ABL2: variants seen among roughly 807,000 people sequenced by gnomAD.
ABL2 encodes tyrosine-protein kinase ABL2.
Under a neutral mutation model 107.7 loss-of-function variants are expected in ABL2, and 49 were observed. The observed-to-expected ratio is 0.45, with a 90% confidence interval of 0.36 to 0.58. The LOEUF is 0.58. ABL2 is among the 20% of genes least tolerant of loss of function. ABL2 has a pLI of 0.00. For missense variants in ABL2, 1,245 were observed against 1,457.0 expected (o/e 0.85, Z 2.37); for synonymous variants, 549 against 548.6 (o/e 1.00, Z -0.01).
At chr1:179,179,792 T>A (rs1016444249) in intron 1 of ABL2, among the ~76,000 whole-genome samples, 2 of 152,064 alleles carry the variant, frequency 1.3e-5, no homozygotes, top group Non-Finnish European at 2.9e-5. Flanking sequence ...ATTAATACTA[T>A]ATTCTTTCAT....
chr1:179,158,737 A>G (rs1571219878), intron 1 of ABL2, among the ~76,000 whole-genome samples: 3 of 152,222 alleles, frequency 2.0e-5, no homozygotes. Flanking sequence ...TCAATAAATT[A>G]TTTAATACTA....
intron 11 of ABL2, among the ~76,000 whole-genome samples, chr1:179,109,651 G>A (rs1428171376): frequency 2.6e-5 from 4 of 152,070 alleles, no homozygotes; most frequent in Admixed American, 6.6e-5. Context: ...ATAGGGGGCC[G>A]GGCACGGTGG....
intron 1 of ABL2, among the ~76,000 whole-genome samples, chr1:179,173,666 G>A (rs879759239): frequency 6.6e-6 from 1 of 151,986 alleles, no homozygotes; most frequent in Non-Finnish European, 1.5e-5. Context: ...GCTTTTAATA[G>A]GTTTTTAGAA....
At chr1:179,122,408 T>C (rs911097483) in intron 4 of ABL2, among the ~76,000 whole-genome samples, 4 of 151,896 alleles carry the variant, frequency 2.6e-5, no homozygotes, top group African/African-American at 9.7e-5. Flanking sequence ...ACTGGGCCAG[T>C]ATACCCAGCA....
In ABL2 at chr1:179,103,028, C is replaced by T; in HGVS notation, c.*4690G>A. 1 of 224,112 alleles carries T rather than the reference C, an allele frequency of 4.5e-6. No homozygotes were observed. The highest frequency in any genetic ancestry group is 6.5e-5 in the East Asian group (1 of 15,450). 13.9% of individuals were successfully genotyped at this position (224,112 alleles called of 1,614,324 possible). On this transcript the variant is annotated 3_prime_UTR_variant, in exon 12 of 12. Coordinates refer to ENST00000502732, the MANE Select transcript of ABL2 (RefSeq NM_007314.4). The stretch of plus-strand genomic sequence containing the variant: ...ACAGATAACAAGTCTGTTCCCACCA[C>T]ATTTAGGATAAATGGCCAAGCATAT...
chr1:179,133,466 G>GC, intron 1 of ABL2, 92 bp from the exon 2 acceptor site: 1 of 1,603,028 alleles, frequency 6.2e-7, no homozygotes, highest in Non-Finnish European at 8.5e-7. Context: ...GGCATTCAAA[G>GC]GCCTTTCATG....
intron 3 of ABL2, among the ~76,000 whole-genome samples, chr1:179,128,807 C>G (rs1234485742): frequency 6.6e-6 from 1 of 152,162 alleles, no homozygotes; most frequent in East Asian, 1.9e-4. Context: ...CCTCAGCCCC[C>G]CAAGTACCTG....
At chr1:179,229,200 G>T in intron 1 of ABL2, 41 bp downstream of exon 1, 2 of 219,654 alleles carry the variant, frequency 9.1e-6, no homozygotes, top group Non-Finnish European at 1.3e-5. Context: ...CCCACCCCCG[G>T]CCTCCCCCAC....
Position 179,120,247 on chromosome 1 carries a change from G to A in ABL2, c.988C>T (p.Leu330=). ...KEDTMEVEEF[L]KEAAVMKEIK... ...TCCTTCATTACTGCAGCTTCTTTCA[G>A]GAATTCTTCTACCTCCATGGTATCT... The change falls in exon 6 of 12, where the codon CTG becomes TTG. Residue 330 remains leucine, a synonymous_variant. Transcript: ENST00000502732. 6.2e-7 allele frequency: 1 copy of A among 1,606,648 alleles called. No individual in the cohort carries two copies. The highest frequency in any genetic ancestry group is 8.5e-7 in the Non-Finnish European group (1 of 1,176,298).
chr1:179,181,718 A>T (rs1452539410), intron 1 of ABL2, among the ~76,000 whole-genome samples: 1 of 151,926 alleles, frequency 6.6e-6, no homozygotes, highest in Non-Finnish European at 1.5e-5. Flanking sequence ...TAATCTTGTG[A>T]CCCCACCAGA....
intron 1 of ABL2, among the ~76,000 whole-genome samples, chr1:179,208,302 C>G (rs539162256): frequency 8.5e-5 from 13 of 152,108 alleles, no homozygotes; most frequent in African/African-American, 2.4e-4. Context: ...TTGCCCCCCC[C>G]ATTCCTTCCC....
intron 6 of ABL2, among the ~76,000 whole-genome samples, 153 bp downstream of exon 6, chr1:179,120,037 C>G (rs1265476557): frequency 6.6e-6 from 1 of 151,898 alleles, no homozygotes; most frequent in Non-Finnish European, 1.5e-5. Flanking sequence ...TTGAAAGGCC[C>G]AGGCGGAAGT....
chr1:179,211,062 T>TTG (rs1662244422), intron 1 of ABL2, among the ~76,000 whole-genome samples: 1 of 152,114 alleles, frequency 6.6e-6, no homozygotes, highest in Admixed American at 6.6e-5. Context: ...AGATAGTTAA[T>TTG]AATTTCAGGA....
rs1351390926 is a variant in ABL2 at position 179,102,024 on chromosome 1, TTTTTTTTG to T, written c.*5686_*5693del. The T allele has an allele frequency of 3.0e-5, 4 of 133,180 alleles. No individual in the cohort carries two copies. The highest frequency in any genetic ancestry group is 3.0e-5 in the Non-Finnish European group (2 of 66,146). 8.2% of individuals were successfully genotyped at this position (133,180 alleles called of 1,614,324 possible). On this transcript the variant is annotated 3_prime_UTR_variant, in exon 12 of 12. Coordinates refer to ENST00000502732, the MANE Select transcript of ABL2 (RefSeq NM_007314.4). ...TTTTTTTTTTTTTTTTTTTTTTTTTTTTTTTTTGAGACGGAGTCTCACTGTCACCCAGG... is the reference window on the plus strand; with the variant it reads ...TTTTTTTTTTTTTTTTTTTTTTTTTTAGACGGAGTCTCACTGTCACCCAGG...
At chr1:179,153,388 G>A (rs1002758664) in intron 1 of ABL2, among the ~76,000 whole-genome samples, 2 of 151,934 alleles carry the variant, frequency 1.3e-5, no homozygotes, top group African/African-American at 2.4e-5. Context: ...TTGGGAGGCC[G>A]GAAGTCTGAA....
intron 1 of ABL2, among the ~76,000 whole-genome samples, chr1:179,226,825 TG>T (rs1270724862): frequency 3.3e-5 from 5 of 152,206 alleles, no homozygotes; most frequent in Admixed American, 2.6e-4. Flanking sequence ...CCAGGAAAAA[TG>T]GGTCCAGAGT....
intron 3 of ABL2, among the ~76,000 whole-genome samples, chr1:179,129,729 A>G (rs1656098782): frequency 6.6e-6 from 1 of 152,070 alleles, no homozygotes; most frequent in African/African-American, 2.4e-5. Context: ...TCTATCCTCA[A>G]ATTTTACGTA....
chr1:179,184,541 C>T (rs2102806024), intron 1 of ABL2: 2 of 573,068 alleles, frequency 3.5e-6, no homozygotes, highest in Non-Finnish European at 3.1e-6. Context: ...ACTTGGTTAC[C>T]GACTGATATG....
intron 1 of ABL2, among the ~76,000 whole-genome samples, chr1:179,190,375 A>C (rs923103185): frequency 1.3e-5 from 2 of 152,208 alleles, no homozygotes; most frequent in African/African-American, 4.8e-5. Context: ...ACAGATGAAC[A>C]ACCAAATAAA....
Sources: gnomAD v4.1 joint callset for allele counts (sites outside exome capture counted in the v4.1 genomes callset) on GRCh38, gnomAD v4.1.1 for gene constraint, MANE v1.5 for transcripts, NCBI Gene and HGNC (gene_info 2026-07-23, HGNC 2026-07-21) for gene names.